CCDC85C: variants seen among roughly 807,000 people sequenced by gnomAD.
CCDC85C encodes the protein coiled-coil domain-containing protein 85C.
A neutral mutation model predicts 38.3 loss-of-function variants in CCDC85C; 18 were observed. That is an observed-to-expected ratio of 0.47 (90% CI 0.33 to 0.70). The LOEUF (loss-of-function observed/expected upper bound fraction) is 0.70, where lower values mean the gene tolerates loss of function less well. CCDC85C is among the 30% of genes least tolerant of loss of function. The pLI, the probability that CCDC85C is intolerant of heterozygous loss-of-function variation, is 0.03. For synonymous variants in CCDC85C, 264 were observed against 293.8 expected, an observed-to-expected ratio of 0.90 and a Z score of 1.04; for missense variants, 566 against 621.2, an observed-to-expected ratio of 0.91 and a Z score of 0.94.
rs1461788623 is a variant in CCDC85C, at chr14:99,545,367, T to A, written c.794-9279A>T. On this transcript the variant is annotated intron_variant, in intron 1 of 5. Transcript: ENST00000380243. This position sits in a 1 kb window ranked among gnomAD's most constrained non-coding sequence, Gnocchi z 4.7. ...GCTCCGGCTCAGTTCATCTAGAATGTGCCCTACTTTGGATCTGCCTGGGAA... is the reference window on the plus strand; with the variant it reads ...GCTCCGGCTCAGTTCATCTAGAATGAGCCCTACTTTGGATCTGCCTGGGAA... Among the ~76,000 whole-genome samples the A allele has an allele frequency of 2.0e-5, 3 of 152,168 alleles. No homozygotes were observed.
chr14:99,604,056 C>G lies in CCDC85C; in HGVS notation c.-97G>C. On this transcript the variant is annotated 5_prime_UTR_variant, in exon 1 of 6. Transcript: ENST00000380243. Reference sequence around the variant, plus strand: ...GGCCGGTCCGCGCGCGGGCGGGGGGCGGCCGGGGGCGCGTGCGGCCCGCCC... The same window carrying G: ...GGCCGGTCCGCGCGCGGGCGGGGGGGGGCCGGGGGCGCGTGCGGCCCGCCC... 2 of 972,516 alleles carry G rather than the reference C, an allele frequency of 2.1e-6. No homozygotes were observed. Among genetic ancestry groups the G allele is most frequent in the South Asian group, 4.9e-5 (1 of 20,594 alleles). 60.2% of individuals were successfully genotyped at this position (972,516 alleles called of 1,614,324 possible).
At chr14:99,579,987 G>T (rs1418352965) in intron 1 of CCDC85C, 2 of 453,642 alleles carry the variant, frequency 4.4e-6, no homozygotes, top group East Asian at 1.4e-4. Flanking sequence ...CTCAGCAGCG[G>T]ACCACCATGA....
intron 3 of CCDC85C, among the ~76,000 whole-genome samples, chr14:99,517,662 C>T (rs1174699590): frequency 6.6e-6 from 1 of 152,214 alleles, no homozygotes; most frequent in Non-Finnish European, 1.5e-5. Context: ...CTCCCTGGGG[C>T]CTGCCTCCCA....
intron 1 of CCDC85C, among the ~76,000 whole-genome samples, chr14:99,594,609 C>T (rs1028115567): frequency 6.6e-6 from 1 of 152,176 alleles, no homozygotes; most frequent in Non-Finnish European, 1.5e-5. Flanking sequence ...ACTGAGTGAC[C>T]GATAGGAGGC....
chr14:99,560,726 T>C (rs1326841334), intron 1 of CCDC85C, among the ~76,000 whole-genome samples: 2 of 152,354 alleles, frequency 1.3e-5, no homozygotes, highest in East Asian at 3.9e-4. Flanking sequence ...GAGAAAGGTC[T>C]TGAGGGCAGG....
intron 1 of CCDC85C, among the ~76,000 whole-genome samples, chr14:99,567,701 T>C (rs1165548869): frequency 1.3e-5 from 2 of 152,210 alleles, no homozygotes; most frequent in African/African-American, 4.8e-5. Flanking sequence ...AGCACATGCC[T>C]GCAGTCCCAG....
intron 1 of CCDC85C, among the ~76,000 whole-genome samples, chr14:99,570,085 C>G (rs1057366294): frequency 6.6e-6 from 1 of 152,082 alleles, no homozygotes; most frequent in African/African-American, 2.4e-5. Context: ...GAAATGTGCC[C>G]TCCTGAGACC....
rs962780857 is a variant in CCDC85C at position 99,536,405 on chromosome 14, G to A, written c.794-317C>T. Among the ~76,000 whole-genome samples, 6 of 152,316 alleles carry A rather than the reference G, an allele frequency of 3.9e-5. No individual in the cohort carries two copies. The East Asian group carries it at 1.2e-3, about 29-fold the overall frequency. Reference sequence around the variant, plus strand: ...ACCTTCAGGACCTGTAGAAAGGTGGGGGGTGTGGGGGTGGCCTCGCCAGCC... The same window carrying A: ...ACCTTCAGGACCTGTAGAAAGGTGGAGGGTGTGGGGGTGGCCTCGCCAGCC... On this transcript the variant is annotated intron_variant, in intron 1 of 5. Coordinates refer to ENST00000380243, the MANE Select transcript of CCDC85C (RefSeq NM_001144995.2).
At chr14:99,583,665 G>A (rs749235219) in intron 1 of CCDC85C, among the ~76,000 whole-genome samples, 46 of 152,024 alleles carry the variant, frequency 3.0e-4, no homozygotes, top group Non-Finnish European at 6.0e-4. Context: ...AACATTAGCC[G>A]GGCATGGTGA....
chr14:99,501,643 C>A lies in CCDC85C; in HGVS notation c.*13603G>T. ...GTTGTGAGGTGCTGAAATTTTATCACCAGTCTGAAACATAAGTCCAAAACA... is the reference window on the plus strand; with the variant it reads ...GTTGTGAGGTGCTGAAATTTTATCAACAGTCTGAAACATAAGTCCAAAACA... On this transcript the variant is annotated 3_prime_UTR_variant, in exon 6 of 6. Coordinates refer to ENST00000380243, the MANE Select transcript of CCDC85C (RefSeq NM_001144995.2). The A allele has an allele frequency of 3.9e-6, 2 of 518,628 alleles. No homozygotes were observed. Among genetic ancestry groups the A allele is most frequent in the Non-Finnish European group, 6.8e-6 (2 of 295,582 alleles). 32.1% of individuals were successfully genotyped at this position (518,628 alleles called of 1,614,324 possible).
At chr14:99,524,034 C>T (rs1427083079) in intron 2 of CCDC85C, among the ~76,000 whole-genome samples, 3 of 130,790 alleles carry the variant, frequency 2.3e-5, no homozygotes, top group Non-Finnish European at 3.2e-5. Flanking sequence ...CCCACCCCAT[C>T]AGAGCCACCC....
intron 1 of CCDC85C, among the ~76,000 whole-genome samples, chr14:99,554,905 C>G (rs1897981326): frequency 6.6e-6 from 1 of 152,332 alleles, no homozygotes; most frequent in South Asian, 2.1e-4. Flanking sequence ...GAGTTGAGAG[C>G]TTCCAAGGAC....
At chr14:99,570,605 C>T (rs369608477) in intron 1 of CCDC85C, among the ~76,000 whole-genome samples, 16 of 152,042 alleles carry the variant, frequency 1.1e-4, no homozygotes, top group Non-Finnish European at 2.1e-4. Flanking sequence ...AGGGATATAA[C>T]CTTCCAGGCC....
Position 99,603,550 on chromosome 14 carries a change from A to T in CCDC85C, c.410T>A (p.Leu137Gln). 1 of 1,392,166 alleles carries T rather than the reference A, an allele frequency of 7.2e-7. No individual in the cohort carries two copies. The highest frequency in any genetic ancestry group is 9.3e-7 in the Non-Finnish European group (1 of 1,079,172). The allele number at this position is 1,392,166 out of a possible 1,614,324, so 86.2% of individuals were successfully genotyped here. A position where few individuals can be genotyped will look rare whatever the true frequency, so the allele number is the denominator to read the frequency against. ...LRELEARQEA[L>Q]LRENLELKEL... ...CTTGAGCTCCAGGTTCTCGCGCAGCAGGGCCTCCTGGCGCGCCTCGAGCTC... is the reference window on the plus strand; with the variant it reads ...CTTGAGCTCCAGGTTCTCGCGCAGCTGGGCCTCCTGGCGCGCCTCGAGCTC... The change falls in exon 1 of 6, where the codon CTG becomes CAG. Residue 137 changes from leucine to glutamine, a missense_variant. By Grantham distance (113) the Leu-to-Gln change is moderately radical. Coordinates refer to ENST00000380243, the MANE Select transcript of CCDC85C (RefSeq NM_001144995.2). The surrounding 1 kb of genome is among the most constrained non-coding windows in gnomAD (Gnocchi z 7.5).
chr14:99,502,616 A>C lies in CCDC85C; in HGVS notation c.*12630T>G. On this transcript the variant is annotated 3_prime_UTR_variant, in exon 6 of 6. Coordinates refer to ENST00000380243, the MANE Select transcript of CCDC85C (RefSeq NM_001144995.2). ...ATGGGGTGAGTTGTAAATGTGATTC[A>C]TGCTTAGGTCCTCGTAGGGGTATCA... 2 of 1,257,192 alleles carry C rather than the reference A, an allele frequency of 1.6e-6. No homozygotes were observed. The highest frequency in any genetic ancestry group is 2.2e-6 in the Non-Finnish European group (2 of 894,578). The allele number at this position is 1,257,192 out of a possible 1,614,324, so 77.9% of individuals were successfully genotyped here. A position where few individuals can be genotyped will look rare whatever the true frequency, so the allele number is the denominator to read the frequency against.
At position 99,504,366 on chromosome 14, in the gene CCDC85C, T is replaced by C. The variant is rs1303665571; in HGVS notation, c.*10880A>G. 1 of 152,894 alleles carries C rather than the reference T, an allele frequency of 6.5e-6. No individual in the cohort carries two copies. Among genetic ancestry groups the C allele is most frequent in the Non-Finnish European group, 1.5e-5 (1 of 68,500 alleles). 9.5% of individuals were successfully genotyped at this position (152,894 alleles called of 1,614,324 possible). On this transcript the variant is annotated 3_prime_UTR_variant, in exon 6 of 6. Transcript: ENST00000380243. ...CGGTTCTTAGTTCCATTCATTAAAC[T>C]GCTGTGAAATCTTCCAGTTATGATA...
chr14:99,572,861 G>A lies in CCDC85C; in HGVS notation c.793+30306C>T. 2.2e-6 allele frequency: 1 copy of A among 455,616 alleles called. No individual in the cohort carries two copies. The highest frequency in any genetic ancestry group is 4.4e-6 in the Non-Finnish European group (1 of 226,444). The allele number at this position is 455,616 out of a possible 1,614,324, so 28.2% of individuals were successfully genotyped here. On this transcript the variant is annotated intron_variant, in intron 1 of 5. Coordinates refer to ENST00000380243, the MANE Select transcript of CCDC85C (RefSeq NM_001144995.2). The surrounding 1 kb of genome is among the most constrained non-coding windows in gnomAD (Gnocchi z 4.4). Reference sequence around the variant, plus strand: ...GTGTGCAACAGGTGCTCAGTAAACGGCTAAGGAAGGAATGTCTGCCCAAGT... The same window carrying A: ...GTGTGCAACAGGTGCTCAGTAAACGACTAAGGAAGGAATGTCTGCCCAAGT...
chr14:99,592,373 A>G (rs542148314), intron 1 of CCDC85C, among the ~76,000 whole-genome samples: 1 of 152,208 alleles, frequency 6.6e-6, no homozygotes, highest in Non-Finnish European at 1.5e-5. Flanking sequence ...TGAATAGCAT[A>G]GTCACCAGCA....
intron 1 of CCDC85C, among the ~76,000 whole-genome samples, chr14:99,583,507 A>C (rs1161080837): frequency 6.7e-6 from 1 of 149,562 alleles, no homozygotes; most frequent in Non-Finnish European, 1.5e-5. Flanking sequence ...CTTCTCAAAA[A>C]AAAAAAAAAA....
Sources: gnomAD v4.1 joint callset for allele counts (sites outside exome capture counted in the v4.1 genomes callset) on GRCh38, gnomAD v4.1.1 for gene constraint, Gnocchi (gnomAD v3.1) non-coding constraint, MANE v1.5 for transcripts, NCBI Gene and HGNC (gene_info 2026-07-23, HGNC 2026-07-21) for gene names.